Variants in ROBO2 observed in about 807,000 individuals in gnomAD.
The protein encoded by ROBO2 is roundabout guidance receptor 2.
In ROBO2, 53 loss-of-function variants were observed where a neutral mutation model predicts 160.8. The observed-to-expected ratio is 0.33, with a 90% CI of 0.26 to 0.41. The LOEUF (loss-of-function observed/expected upper bound fraction) is 0.41. Ranked by LOEUF, ROBO2 falls within the 10% of genes least tolerant of loss-of-function variation. ROBO2 has a pLI of 1.00. For synonymous variants in ROBO2, 664 were observed against 611.7 expected, an observed-to-expected ratio of 1.09 and a Z score of -1.26; for missense variants, 1,577 against 1,722.4, an observed-to-expected ratio of 0.92 and a Z score of 1.49.
At chr3:77,038,261 C>A (rs1239384888), upstream of ROBO2, among the ~76,000 whole-genome samples, 1 of 152,154 alleles carries the variant, frequency 6.6e-6, no homozygotes, top group Non-Finnish European at 1.5e-5. Context: ...CAACCGAATG[C>A]ACTTTTTTCT....
intron 2 of ROBO2, among the ~76,000 whole-genome samples, chr3:76,948,918 T>A (rs1349843218): frequency 2.0e-4 from 24 of 117,432 alleles, no homozygotes; most frequent in African/African-American, 8.5e-4. Context: ...ATTTTTTTTT[T>A]TTTTTTTTTT....
chr3:76,776,396 A>C (rs2108555561), intron 2 of ROBO2, among the ~76,000 whole-genome samples: 1 of 151,136 alleles, frequency 6.6e-6, no homozygotes, highest in East Asian at 2.0e-4. Flanking sequence ...TATTACTGTT[A>C]AAAATTGTGT....
At chr3:76,005,654 C>A (rs149192063) in intron 2 of ROBO2, among the ~76,000 whole-genome samples, 14 of 152,098 alleles carry the variant, frequency 9.2e-5, no homozygotes. Flanking sequence ...TATATAGATA[C>A]CCCTAATTCA....
chr3:76,858,358 G>A (rs994547940), intron 2 of ROBO2, among the ~76,000 whole-genome samples: 3 of 152,106 alleles, frequency 2.0e-5, no homozygotes, highest in Non-Finnish European at 4.4e-5. Context: ...TACCTCTCAA[G>A]TTCAAGCAAT....
chr3:76,475,699 T>G (rs1192153971), intron 2 of ROBO2, among the ~76,000 whole-genome samples: 1 of 152,210 alleles, frequency 6.6e-6, no homozygotes, highest in African/African-American at 2.4e-5. Flanking sequence ...GATTTTATTC[T>G]AAGAAGACGT....
chr3:76,977,248 T>C (rs1417610973), intron 2 of ROBO2, among the ~76,000 whole-genome samples: 1 of 152,200 alleles, frequency 6.6e-6, no homozygotes, highest in African/African-American at 2.4e-5. Flanking sequence ...CTGCCCATTA[T>C]GAACTGCATT....
intron 2 of ROBO2, among the ~76,000 whole-genome samples, chr3:77,246,508 G>A (rs1041260237): frequency 6.6e-6 from 1 of 152,054 alleles, no homozygotes; most frequent in African/African-American, 2.4e-5. Context: ...GTCAGGCCAG[G>A]TCTAAACCAT....
intron 2 of ROBO2, among the ~76,000 whole-genome samples, chr3:77,199,558 C>G (rs1216622104): frequency 6.6e-6 from 1 of 151,136 alleles, no homozygotes; most frequent in African/African-American, 2.4e-5. Flanking sequence ...TTAGCTGATT[C>G]ATCTATTCAT....
intron 2 of ROBO2, chr3:77,317,580 G>A (rs553703826): frequency 3.0e-5 from 40 of 1,311,490 alleles, no homozygotes; most frequent in Non-Finnish European, 4.0e-5. Flanking sequence ...GATTTGCCAA[G>A]ATCGGCATAC....
At chr3:76,413,390 C>G (rs143313661) in intron 2 of ROBO2, among the ~76,000 whole-genome samples, 5,357 of 152,278 alleles carry the variant, frequency 0.035, 112 homozygotes, top group South Asian at 0.095. Flanking sequence ...ATGGGTTTTT[C>G]TTTTCTATCG....
chr3:76,969,837 G>T (rs534140937), intron 2 of ROBO2, among the ~76,000 whole-genome samples: 165 of 151,848 alleles, frequency 1.1e-3, no homozygotes, highest in African/African-American at 3.4e-3. Context: ...GTGTGTTAGT[G>T]TGTGTGTGTG....
At chr3:76,025,198 T>C (rs2066702404) in intron 2 of ROBO2, among the ~76,000 whole-genome samples, 1 of 151,604 alleles carries the variant, frequency 6.6e-6, no homozygotes, top group African/African-American at 2.4e-5. Context: ...AATATAGTCA[T>C]AGCCAAGATG....
intron 2 of ROBO2, among the ~76,000 whole-genome samples, chr3:76,289,988 C>T (rs1183439486): frequency 6.6e-6 from 1 of 152,084 alleles, no homozygotes; most frequent in Non-Finnish European, 1.5e-5. Context: ...TTTTTGGTTC[C>T]ATATGAGTTT....
chr3:76,403,395 A>G (rs1257406331), intron 2 of ROBO2, among the ~76,000 whole-genome samples: 3 of 151,664 alleles, frequency 2.0e-5, no homozygotes, highest in Non-Finnish European at 4.4e-5. Context: ...TCTATTTTTA[A>G]AAACCATTTA....
chr3:76,440,402 C>T (rs1270287125), intron 2 of ROBO2, among the ~76,000 whole-genome samples: 1 of 151,880 alleles, frequency 6.6e-6, no homozygotes, highest in Non-Finnish European at 1.5e-5. Context: ...CCTCCCCTCT[C>T]CCCCAACCCC....
At chr3:77,339,726 C>A (rs2066863459) in intron 2 of ROBO2, among the ~76,000 whole-genome samples, 1 of 151,908 alleles carries the variant, frequency 6.6e-6, no homozygotes, top group African/African-American at 2.4e-5. Context: ...ATGACCTTCT[C>A]ATGAATTAGT....
intron 14 of ROBO2, among the ~76,000 whole-genome samples, chr3:77,575,640 G>A (rs888988696): frequency 3.9e-5 from 6 of 151,982 alleles, no homozygotes; most frequent in Non-Finnish European, 8.8e-5. Context: ...ATTCAAAAAG[G>A]CATCATTAAT....
intron 2 of ROBO2, among the ~76,000 whole-genome samples, chr3:76,502,513 T>A (rs1348876663): frequency 1.3e-5 from 2 of 152,248 alleles, no homozygotes; most frequent in Non-Finnish European, 2.9e-5. Context: ...AAGTTTAGGA[T>A]TGACATTTTA....
At chr3:76,594,974 G>A (rs867516204) in intron 2 of ROBO2, among the ~76,000 whole-genome samples, 1 of 152,062 alleles carries the variant, frequency 6.6e-6, no homozygotes. Context: ...ATTTGGAGGT[G>A]GAACCTTGGG....
Sources: gnomAD v4.1 joint callset for allele counts (sites outside exome capture counted in the v4.1 genomes callset) on GRCh38, gnomAD v4.1.1 for gene constraint, MANE v1.5 for transcripts, NCBI Gene and HGNC (gene_info 2026-07-23, HGNC 2026-07-21) for gene names.